The following CTNND2 variants were observed in gnomAD, a reference collection of about 807,000 sequenced individuals.
CTNND2 encodes the protein catenin delta 2, also known as catenin delta-2.
A neutral mutation model predicts 144.4 loss-of-function variants in CTNND2; 22 were observed. The ratio of observed to expected loss-of-function variants is 0.15; its 90% CI spans 0.11 to 0.22. The LOEUF (loss-of-function observed/expected upper bound fraction) is 0.22, where lower values mean the gene tolerates loss of function less well. Ranked by LOEUF, CTNND2 falls within the 10% of genes least tolerant of loss-of-function variation. The pLI is 1.00. For missense variants in CTNND2, 1,353 were observed against 1,618.8 expected (o/e 0.84, Z 2.82); for synonymous variants, 751 against 695.6 (o/e 1.08, Z -1.25).
intron 2 of CTNND2, among the ~76,000 whole-genome samples, chr5:11,686,414 T>C (rs542568896): frequency 6.6e-6 from 1 of 152,264 alleles, no homozygotes; most frequent in East Asian, 1.9e-4. Context: ...AGGAAGGCAA[T>C]CAATCTTTTG....
chr5:11,685,311 T>C (rs1387956002), intron 2 of CTNND2, among the ~76,000 whole-genome samples: 5 of 152,174 alleles, frequency 3.3e-5, no homozygotes, highest in African/African-American at 1.2e-4. Context: ...TTGTCCAATG[T>C]CTTTAAAAAT....
chr5:11,641,052 T>A (rs1781974492), intron 2 of CTNND2, among the ~76,000 whole-genome samples: 1 of 151,936 alleles, frequency 6.6e-6, no homozygotes, highest in African/African-American at 2.4e-5. Flanking sequence ...ACATGGTGGG[T>A]TCCAGGTGTC....
chr5:11,082,912 T>C, intron 15 of CTNND2, 66 bp from the exon 16 acceptor site: 1 of 1,564,558 alleles, frequency 6.4e-7, no homozygotes, highest in Non-Finnish European at 8.7e-7. Context: ...AATAGTACAT[T>C]TGCGTTTTCA....
At chr5:11,271,757 C>A (rs1231719975) in intron 9 of CTNND2, among the ~76,000 whole-genome samples, 3 of 152,100 alleles carry the variant, frequency 2.0e-5, no homozygotes, top group Non-Finnish European at 4.4e-5. Flanking sequence ...TGGGTCCTCA[C>A]CAAGGACTGG....
chr5:11,870,455 G>A (rs928589029), intron 1 of CTNND2, among the ~76,000 whole-genome samples: 1 of 152,190 alleles, frequency 6.6e-6, no homozygotes, highest in African/African-American at 2.4e-5. Flanking sequence ...ACTCATGAGC[G>A]AGCTGTACAG....
chr5:11,645,630 A>G (rs1222820789), intron 2 of CTNND2, among the ~76,000 whole-genome samples: 1 of 152,178 alleles, frequency 6.6e-6, no homozygotes, highest in Admixed American at 6.5e-5. Context: ...TGTTAGTGCA[A>G]TAATTAAGAA....
intron 3 of CTNND2, among the ~76,000 whole-genome samples, chr5:11,552,460 C>T (rs2150086523): frequency 6.6e-6 from 1 of 152,262 alleles, no homozygotes; most frequent in South Asian, 2.1e-4. Flanking sequence ...CTTGAAAGTA[C>T]TAAATCTCAT....
intron 1 of CTNND2, among the ~76,000 whole-genome samples, chr5:11,801,671 C>G (rs1367847421): frequency 6.6e-6 from 1 of 151,908 alleles, no homozygotes; most frequent in African/African-American, 2.4e-5. Flanking sequence ...CTTAGTTATA[C>G]TGTATTATTT....
intron 2 of CTNND2, among the ~76,000 whole-genome samples, chr5:11,662,160 T>TATATATGTGTATATATAC: frequency 6.9e-6 from 1 of 144,198 alleles, no homozygotes; most frequent in Non-Finnish European, 1.5e-5. Flanking sequence ...TATATATGTG[T>TATATATGTGTATATATAC]ATATATGTGT....
intron 7 of CTNND2, among the ~76,000 whole-genome samples, chr5:11,365,744 G>A (rs1041471575): frequency 1.3e-5 from 2 of 152,216 alleles, no homozygotes; most frequent in Admixed American, 1.3e-4. Flanking sequence ...GAAGAGGCTG[G>A]CTTGACAGAC....
intron 10 of CTNND2, among the ~76,000 whole-genome samples, chr5:11,217,978 A>G (rs72730938): frequency 0.25 from 37,827 of 151,556 alleles, 4,899 homozygotes; most frequent in Middle Eastern, 0.33. Context: ...CACCTTAAAA[A>G]ATAAATCCCT....
Position 11,658,296 on chromosome 5 carries a change from G to A in CTNND2, c.174+73840C>T, listed in dbSNP as rs147500799. On this transcript the variant is annotated intron_variant, in intron 2 of 21. Coordinates refer to ENST00000304623, the MANE Select transcript of CTNND2 (RefSeq NM_001332.4). ...CCATTGCCTTCATTACATAAACCTC[G>A]TCCAAGTAACCTTTCACAGGTGAGG... is the stretch of plus-strand genomic sequence containing the variant. Among the ~76,000 whole-genome samples the A allele has an allele frequency of 2.1e-4, 32 of 151,942 alleles. No homozygotes were observed. The East Asian group carries it at 4.8e-3, about 23-fold the overall frequency.
chr5:11,568,072 C>T (rs73742867), intron 2 of CTNND2, among the ~76,000 whole-genome samples: 50 of 152,320 alleles, frequency 3.3e-4, no homozygotes, highest in African/African-American at 1.0e-3. Context: ...TGAGCCCCAA[C>T]TCAATGCCCC....
At chr5:11,644,344 T>G (rs1246550743) in intron 2 of CTNND2, among the ~76,000 whole-genome samples, 3 of 152,224 alleles carry the variant, frequency 2.0e-5, no homozygotes, top group Non-Finnish European at 4.4e-5. Context: ...GTAATTGTTA[T>G]GTCCAACTAC....
At chr5:11,859,606 C>T (rs545866271) in intron 1 of CTNND2, among the ~76,000 whole-genome samples, 111 of 152,314 alleles carry the variant, frequency 7.3e-4, no homozygotes, top group African/African-American at 2.1e-3. Flanking sequence ...AGACCTTGCA[C>T]ATGATTTCCA....
intron 1 of CTNND2, among the ~76,000 whole-genome samples, chr5:11,877,033 G>C (rs1173822226): frequency 6.6e-6 from 1 of 151,936 alleles, no homozygotes; most frequent in South Asian, 2.1e-4. Context: ...TTATTTTATA[G>C]CAATGACTGA....
chr5:11,731,470 A>T (rs1166129564), intron 2 of CTNND2, among the ~76,000 whole-genome samples: 1 of 152,196 alleles, frequency 6.6e-6, no homozygotes, highest in Non-Finnish European at 1.5e-5. Context: ...TTTCTAGCAC[A>T]TGTTTAGAAG....
intron 10 of CTNND2, among the ~76,000 whole-genome samples, chr5:11,206,245 G>A (rs1201148290): frequency 1.3e-5 from 2 of 152,174 alleles, no homozygotes; most frequent in Non-Finnish European, 2.9e-5. Flanking sequence ...TGTGAGACGA[G>A]CAGTGAAGTT....
At chr5:11,643,440 G>C (rs185905031) in intron 2 of CTNND2, among the ~76,000 whole-genome samples, 2 of 134,926 alleles carry the variant, frequency 1.5e-5, no homozygotes, top group Non-Finnish European at 3.0e-5. Flanking sequence ...CTGTGTCCAC[G>C]TGTTCTCATT....
Sources: gnomAD v4.1 joint callset for allele counts (sites outside exome capture counted in the v4.1 genomes callset) on GRCh38, gnomAD v4.1.1 for gene constraint, MANE v1.5 for transcripts, NCBI Gene and HGNC (gene_info 2026-07-23, HGNC 2026-07-21) for gene names.